Variants in SLC25A40 observed in about 807,000 individuals in gnomAD.
SLC25A40 encodes solute carrier family 25 member 40.
In SLC25A40, 41 loss-of-function variants were observed where a neutral mutation model predicts 46.5. The ratio of observed to expected loss-of-function variants is 0.88; its 90% CI spans 0.69 to 1.14. SLC25A40 has a LOEUF of 1.14. SLC25A40 is among the 50% of genes most tolerant of loss of function. The pLI is 0.00. For synonymous variants in SLC25A40, 126 were observed against 127.5 expected (o/e 0.99, Z 0.08); for missense variants, 386 against 393.6 (o/e 0.98, Z 0.16).
At chr7:87,868,992 T>G (rs886256540) in intron 1 of SLC25A40, among the ~76,000 whole-genome samples, 1 of 152,186 alleles carries the variant, frequency 6.6e-6, no homozygotes, top group Non-Finnish European at 1.5e-5. Flanking sequence ...ACTTTGGAGA[T>G]TCTAAGGATT....
At chr7:87,863,125 T>C (rs963856742) in intron 1 of SLC25A40, among the ~76,000 whole-genome samples, 1 of 152,206 alleles carries the variant, frequency 6.6e-6, no homozygotes, top group African/African-American at 2.4e-5. Flanking sequence ...TTACCTACTT[T>C]GATGTTAAGG....
rs747194828 is a variant in SLC25A40, at chr7:87,843,730, T to C, written c.741+24A>G. Reference sequence around the variant, plus strand: ...ATACAACAATTATTCTTCTGGAATATTAACAACAAAAGAATAAACTTACAG... The same window carrying C: ...ATACAACAATTATTCTTCTGGAATACTAACAACAAAAGAATAAACTTACAG... On this transcript the variant is annotated intron_variant, in intron 9 of 11. Transcript: ENST00000341119. 5.3e-6 allele frequency: 8 copies of C among 1,517,928 alleles called. No individual in the cohort carries two copies. The Admixed American group carries it at 1.0e-4, about 20-fold the overall frequency. 94.0% of individuals were successfully genotyped at this position (1,517,928 alleles called of 1,614,324 possible).
At chr7:87,836,475 CA>C in intron 11 of SLC25A40, 114 bp from the exon 12 acceptor site, 1 of 678,778 alleles carries the variant, frequency 1.5e-6, no homozygotes, top group Admixed American at 3.9e-5. Context: ...GTAATATGTT[CA>C]AATCCATAAA....
chr7:87,867,646 T>C (rs994141004), intron 1 of SLC25A40, among the ~76,000 whole-genome samples: 17 of 152,176 alleles, frequency 1.1e-4, no homozygotes, highest in African/African-American at 4.1e-4. Context: ...TTATTTCCTA[T>C]AGATTTATGT....
At chr7:87,837,317 C>CAAAT (rs1838271613) in intron 10 of SLC25A40, among the ~76,000 whole-genome samples, 1 of 150,846 alleles carries the variant, frequency 6.6e-6, no homozygotes, top group Admixed American at 6.6e-5. Flanking sequence ...TCCTCACAAC[C>CAAAT]ATTTTTTCAT....
At chr7:87,867,824 G>A (rs1838827768) in intron 1 of SLC25A40, among the ~76,000 whole-genome samples, 1 of 152,202 alleles carries the variant, frequency 6.6e-6, no homozygotes, top group Non-Finnish European at 1.5e-5. Context: ...TTTAAGCACA[G>A]GATTGTCTCA....
chr7:87,848,924 A>G (rs992668045), intron 6 of SLC25A40, among the ~76,000 whole-genome samples: 3 of 152,244 alleles, frequency 2.0e-5, no homozygotes, highest in Non-Finnish European at 4.4e-5. Context: ...AACATTGTTT[A>G]AAATAAATGC....
chr7:87,852,520 G>A (rs1838531519), intron 5 of SLC25A40, among the ~76,000 whole-genome samples: 1 of 152,166 alleles, frequency 6.6e-6, no homozygotes, highest in Non-Finnish European at 1.5e-5. Flanking sequence ...AGTGAGTCAT[G>A]ATTGCTCCAC....
At chr7:87,842,234 ATACT>A (rs2130997734) in intron 9 of SLC25A40, 1 of 153,334 alleles carries the variant, frequency 6.5e-6, no homozygotes, top group Non-Finnish European at 1.5e-5. Context: ...ATATTAAAAT[ATACT>A]TACAATGGTT....
chr7:87,861,902 A>G lies in SLC25A40; in HGVS notation c.-93-1262T>C, dbSNP rs530706660. Among the ~76,000 whole-genome samples, 15 of 152,344 alleles carry G rather than the reference A, an allele frequency of 9.8e-5. No individual in the cohort carries two copies. The East Asian group carries it at 2.5e-3, about 25-fold the overall frequency. On this transcript the variant is annotated intron_variant, in intron 1 of 11. Coordinates refer to ENST00000341119, the MANE Select transcript of SLC25A40 (RefSeq NM_018843.4). ...TTAGAATAGTTAATGAAATTGTTTCATAACATATATACTATTTTAGAAAAA... is the reference window on the plus strand; with the variant it reads ...TTAGAATAGTTAATGAAATTGTTTCGTAACATATATACTATTTTAGAAAAA...
intron 11 of SLC25A40, 35 bp from the exon 12 acceptor site, chr7:87,836,396 T>C (rs1459770876): frequency 3.1e-6 from 4 of 1,309,252 alleles, no homozygotes; most frequent in Non-Finnish European, 4.1e-6. Context: ...AAACAAATAT[T>C]TTTTTCTTAC....
At chr7:87,871,922 CCATTT>C (rs1041295551) in intron 1 of SLC25A40, among the ~76,000 whole-genome samples, 3 of 152,150 alleles carry the variant, frequency 2.0e-5, no homozygotes, top group African/African-American at 4.8e-5. Flanking sequence ...AGTAATTTGT[CCATTT>C]CATTTAAGTT....
chr7:87,867,437 T>C (rs993551530), intron 1 of SLC25A40, among the ~76,000 whole-genome samples: 5 of 152,216 alleles, frequency 3.3e-5, no homozygotes, highest in Admixed American at 1.3e-4. Context: ...CCAGATTTCA[T>C]TTTTAAAAAC....
intron 1 of SLC25A40, among the ~76,000 whole-genome samples, chr7:87,865,160 T>C (rs1838771324): frequency 6.6e-6 from 1 of 152,088 alleles, no homozygotes; most frequent in Admixed American, 6.5e-5. Context: ...TGCTTGTTAT[T>C]TTTAGTGTAT....
chr7:87,836,265 C>T lies in SLC25A40; in HGVS notation c.1001G>A (p.Arg334Gln), dbSNP rs146277655. 5.1e-6 allele frequency: 8 copies of T among 1,584,050 alleles called. No individual in the cohort carries two copies. Among genetic ancestry groups the T allele is most frequent in the Middle Eastern group, 1.7e-4 (1 of 5,984 alleles). Reference protein sequence around the residue: ...GKAFFQKQNVRRQQY With the variant: ...GKAFFQKQNVQRQQY ...ACAGCATCACTAGTATTGCTGCCTT[C>T]GAACATTTTGTTTCTGGAAAAAAGC... The change falls in exon 12 of 12, where the codon CGA (arginine) becomes CAA (glutamine). Residue 334 changes from arginine (R) to glutamine (Q), a missense_variant. Coordinates refer to ENST00000341119, the MANE Select transcript of SLC25A40 (RefSeq NM_018843.4).
chr7:87,858,603 A>G, intron 3 of SLC25A40, 28 bp downstream of exon 3: 1 of 1,242,328 alleles, frequency 8.0e-7, no homozygotes, highest in Non-Finnish European at 1.2e-6. Context: ...TCAAAGTTAC[A>G]TAATCTACAT....
chr7:87,834,582 T>C lies in SLC25A40; in HGVS notation c.*1667A>G, dbSNP rs911452933. 1 of 151,658 alleles carries C rather than the reference T, an allele frequency of 6.6e-6. No homozygotes were observed. Among genetic ancestry groups the C allele is most frequent in the African/African-American group, 2.4e-5 (1 of 41,390 alleles). The allele number at this position is 151,658 out of a possible 1,614,324, so 9.4% of individuals were successfully genotyped here. A position where few individuals can be genotyped will look rare whatever the true frequency, so the allele number is the denominator to read the frequency against. On this transcript the variant is annotated 3_prime_UTR_variant, in exon 12 of 12. Transcript: ENST00000341119. ...GTAGGAGACATGGAAACCTTTCTCA[T>C]ACTTATAGGTGATATTAAACTGAAA...
intron 1 of SLC25A40, among the ~76,000 whole-genome samples, chr7:87,872,640 T>C (rs1838911799): frequency 6.6e-6 from 1 of 152,150 alleles, no homozygotes; most frequent in Non-Finnish European, 1.5e-5. Context: ...ACTGAAGAAT[T>C]TAGCCAGTAC....
chr7:87,842,054 A>C (rs1005936395), intron 9 of SLC25A40: 1 of 377,500 alleles, frequency 2.6e-6, no homozygotes, highest in South Asian at 2.0e-5. Context: ...TTACATCACA[A>C]GAAGATACAA....
Sources: allele counts gnomAD v4.1 joint callset (sites outside exome capture counted in the v4.1 genomes callset), GRCh38; gene constraint gnomAD v4.1.1; transcripts MANE v1.5; gene names NCBI Gene and HGNC (gene_info 2026-07-23, HGNC 2026-07-21).